ADORA1: variants seen among roughly 807,000 people sequenced by gnomAD.
ADORA1 encodes adenosine A1 receptor, also known as adenosine receptor A1.
ADORA1 carries 6 observed loss-of-function variants against 19.9 expected under a neutral mutation model. The ratio of observed to expected loss-of-function variants is 0.30; its 90% CI spans 0.17 to 0.59. The LOEUF (loss-of-function observed/expected upper bound fraction) is 0.59, where lower values mean the gene tolerates loss of function less well. Among genes scored for constraint, ADORA1 ranks in the 20% least tolerant of loss-of-function variants. The probability of loss-of-function intolerance (pLI) is 0.87; values close to 1 mark genes in which losing one functional copy is unlikely to be tolerated. For synonymous variants in ADORA1, 194 were observed against 188.4 expected (o/e 1.03, Z -0.24); for missense variants, 302 against 439.2 (o/e 0.69, Z 2.79).
chr1:203,139,933 G>A (rs1177738636), intron 3 of ADORA1, among the ~76,000 whole-genome samples: 1 of 152,156 alleles, frequency 6.6e-6, no homozygotes, highest in East Asian at 1.9e-4. Flanking sequence ...TCAAGAGTTT[G>A]GATTTTTTTC....
intron 3 of ADORA1, among the ~76,000 whole-genome samples, chr1:203,137,911 C>T (rs1483153475): frequency 2.6e-5 from 4 of 151,980 alleles, no homozygotes; most frequent in Non-Finnish European, 4.4e-5. Context: ...CAGTTTGCAC[C>T]CTTTTATGTC....
At chr1:203,136,405 A>G (rs1486444438) in intron 3 of ADORA1, among the ~76,000 whole-genome samples, 1 of 152,128 alleles carries the variant, frequency 6.6e-6, no homozygotes, top group East Asian at 1.9e-4. Context: ...TTGGAATTTT[A>G]TTCCCCAGCA....
chr1:203,160,745 A>C lies in ADORA1; in HGVS notation c.342-4516A>C, dbSNP rs570974189. ...AGGATCTCTTGAGCCCAGGAGTTCGAGGTCACAGTTAACTGTGATTGTGCC... is the reference window on the plus strand; with the variant it reads ...AGGATCTCTTGAGCCCAGGAGTTCGCGGTCACAGTTAACTGTGATTGTGCC... On this transcript the variant is annotated intron_variant, in intron 3 of 3. Coordinates refer to ENST00000337894, the MANE Select transcript of ADORA1 (RefSeq NM_000674.3). 1.4e-3 allele frequency among the ~76,000 whole-genome samples: 209 copies of C among 152,310 alleles called. 1 individual carries two copies. The highest frequency in any genetic ancestry group is 2.1e-3 in the Non-Finnish European group (140 of 68,008).
intron 3 of ADORA1, among the ~76,000 whole-genome samples, chr1:203,156,837 C>T (rs543016721): frequency 6.6e-6 from 1 of 152,348 alleles, no homozygotes; most frequent in Admixed American, 6.5e-5. Context: ...ATCACACAGA[C>T]AGGAGCTGAA....
chr1:203,133,954 T>A (rs1654424047), intron 3 of ADORA1, among the ~76,000 whole-genome samples: 1 of 152,196 alleles, frequency 6.6e-6, no homozygotes, highest in African/African-American at 2.4e-5. Flanking sequence ...CCCCCGCAGG[T>A]GACTGTCTGT....
Position 203,128,316 on chromosome 1 carries a change from T to G in ADORA1, c.-174T>G. 7.8e-7 allele frequency: 1 copy of G among 1,286,042 alleles called. No homozygotes were observed. Among genetic ancestry groups the G allele is most frequent in the Non-Finnish European group, 1.0e-6 (1 of 986,388 alleles). The allele number at this position is 1,286,042 out of a possible 1,614,324, so 79.7% of individuals were successfully genotyped here. Reference sequence around the variant, plus strand: ...CGCTGCGGCGGGAGCCGGAGGACTATGAGCTGCCGCGCGTTGTCCAGAGCC... The same window carrying G: ...CGCTGCGGCGGGAGCCGGAGGACTAGGAGCTGCCGCGCGTTGTCCAGAGCC... On this transcript the variant is annotated 5_prime_UTR_variant, in exon 2 of 4. An upstream start codon of the reference 5' UTR is lost. Coordinates refer to ENST00000337894, the MANE Select transcript of ADORA1 (RefSeq NM_000674.3). This position sits in a 1 kb window ranked among gnomAD's most constrained non-coding sequence, Gnocchi z 5.9.
Position 203,129,181 on chromosome 1 carries a change from C to G in ADORA1, c.340C>G (p.Arg114Gly). The G allele has an allele frequency of 6.2e-7, 1 of 1,608,772 alleles. No homozygotes were observed. Among genetic ancestry groups the G allele is most frequent in the East Asian group, 2.2e-5 (1 of 44,834 alleles). Residue 114 changes from arginine to glycine, a missense_variant and splice_region_variant, in exon 3 of 4, where the codon CGG (arginine) becomes GGG (glycine). Arg to Gly is a moderately radical substitution (Grantham distance 125). Coordinates refer to ENST00000337894, the MANE Select transcript of ADORA1 (RefSeq NM_000674.3). Reference protein sequence around the residue: ...DRYLRVKIPLRYKMVVTPRRA... With the variant: ...DRYLRVKIPLGYKMVVTPRRA... The stretch of plus-strand genomic sequence containing the variant: ...CTACCTCCGGGTCAAGATCCCTCTC[C>G]GGTGAGTCCACAGCGCCGAAGGTAC...
chr1:203,156,803 G>C (rs1470315357), intron 3 of ADORA1, among the ~76,000 whole-genome samples: 1 of 152,228 alleles, frequency 6.6e-6, no homozygotes, highest in African/African-American at 2.4e-5. Context: ...GGACCTTGTT[G>C]CTGCCTCATA....
intron 3 of ADORA1, chr1:203,144,964 C>G (rs1654814713): frequency 6.6e-6 from 1 of 152,362 alleles, no homozygotes; most frequent in Non-Finnish European, 1.5e-5. Context: ...TCAACGGGTT[C>G]AAGCCCAGTG....
chr1:203,149,620 G>C (rs1221337240), intron 3 of ADORA1, among the ~76,000 whole-genome samples: 1 of 152,194 alleles, frequency 6.6e-6, no homozygotes. Context: ...AGATATCGGG[G>C]CTGAGTGGTT....
At chr1:203,134,503 A>G (rs553905337) in intron 3 of ADORA1, among the ~76,000 whole-genome samples, 27 of 152,298 alleles carry the variant, frequency 1.8e-4, no homozygotes, top group East Asian at 5.8e-4. Context: ...CAAGTGTGAA[A>G]GCTTCCCCCA....
intron 3 of ADORA1, among the ~76,000 whole-genome samples, chr1:203,141,922 A>T (rs188663247): frequency 1.3e-5 from 2 of 152,256 alleles, no homozygotes; most frequent in African/African-American, 4.8e-5. Context: ...TCCAAGAGAC[A>T]TCTTCCTCCT....
chr1:203,135,373 T>C (rs1337076291), intron 3 of ADORA1, among the ~76,000 whole-genome samples: 1 of 152,140 alleles, frequency 6.6e-6, no homozygotes, highest in African/African-American at 2.4e-5. Flanking sequence ...AAAATAAAAG[T>C]TGAGGCTGGG....
intron 3 of ADORA1, among the ~76,000 whole-genome samples, chr1:203,162,894 C>T (rs1241150109): frequency 5.3e-5 from 8 of 152,178 alleles, no homozygotes; most frequent in Admixed American, 3.9e-4. Context: ...CACCTGGCCC[C>T]GTCCTCTCTG....
rs1654201016 is a variant in ADORA1 at position 203,127,907 on chromosome 1, C to T, written c.-234C>T. The T allele has an allele frequency of 6.4e-6, 1 of 156,504 alleles. No individual in the cohort carries two copies. The highest frequency in any genetic ancestry group is 2.4e-5 in the African/African-American group (1 of 41,510). The allele number at this position is 156,504 out of a possible 1,614,324, so 9.7% of individuals were successfully genotyped here. A position where few individuals can be genotyped will look rare whatever the true frequency, so the allele number is the denominator to read the frequency against. On this transcript the variant is annotated 5_prime_UTR_variant, in exon 1 of 4. Transcript: ENST00000337894. ...CAGAACAGTCAGGCAGCCGGGAGCT[C>T]TGCCAGCTTTGGTGACCTTGGGTAA... is the stretch of plus-strand genomic sequence containing the variant.
intron 3 of ADORA1, among the ~76,000 whole-genome samples, chr1:203,141,046 A>G (rs965366786): frequency 5.3e-5 from 8 of 152,198 alleles, no homozygotes; most frequent in Non-Finnish European, 1.0e-4. Context: ...GCTGCTGTAG[A>G]GCACTGAGTG....
rs56013064 is a variant in ADORA1 at position 203,128,199 on chromosome 1, C to T, written c.-212-79C>T. 0.026 allele frequency: 15,495 copies of T among 607,074 alleles called. 240 individuals are homozygous for T. Among genetic ancestry groups the T allele is most frequent in the Non-Finnish European group, 0.031 (12,519 of 408,496 alleles). The allele number at this position is 607,074 out of a possible 1,614,324, so 37.6% of individuals were successfully genotyped here. ...CAGACCCACGTCTGCCACCCCAGTC[C>T]CAGGTGCGAAACAGGGGCGCTACCT... On this transcript the variant is annotated intron_variant, in intron 1 of 3. Coordinates refer to ENST00000337894, the MANE Select transcript of ADORA1 (RefSeq NM_000674.3). This position sits in a 1 kb window ranked among gnomAD's most constrained non-coding sequence, Gnocchi z 5.9.
chr1:203,165,963 C>T lies in ADORA1; in HGVS notation c.*63C>T, dbSNP rs974004725. On this transcript the variant is annotated 3_prime_UTR_variant, in exon 4 of 4. Coordinates refer to ENST00000337894, the MANE Select transcript of ADORA1 (RefSeq NM_000674.3). This position sits in a 1 kb window ranked among gnomAD's most constrained non-coding sequence, Gnocchi z 5.9. ...GGTCTCAGTCCAGTCCTCACATGCC[C>T]GCTGTCCCAGGGGTCTCCCTGAGCC... 15 of 1,495,888 alleles carry T rather than the reference C, an allele frequency of 1.0e-5. No homozygotes were observed. Among genetic ancestry groups the T allele is most frequent in the South Asian group, 5.5e-5 (4 of 72,276 alleles). 92.7% of individuals were successfully genotyped at this position (1,495,888 alleles called of 1,614,324 possible). A position where few individuals can be genotyped will look rare whatever the true frequency, so the allele number is the denominator to read the frequency against.
chr1:203,159,588 AC>A (rs780410210), intron 3 of ADORA1, among the ~76,000 whole-genome samples: 22 of 151,034 alleles, frequency 1.5e-4, no homozygotes, highest in Admixed American at 6.6e-4. Context: ...CTGCCCACTC[AC>A]TCTCTCCTGG....
Sources: gnomAD v4.1 joint callset for allele counts (sites outside exome capture counted in the v4.1 genomes callset) on GRCh38, gnomAD v4.1.1 for gene constraint, Gnocchi (gnomAD v3.1) non-coding constraint, MANE v1.5 for transcripts, NCBI Gene and HGNC (gene_info 2026-07-23, HGNC 2026-07-21) for gene names.